Variants in PRKCB observed in about 807,000 individuals in gnomAD.
The protein encoded by PRKCB is protein kinase C beta type.
In PRKCB, 13 loss-of-function variants were observed where a neutral mutation model predicts 81.5. The ratio of observed to expected loss-of-function variants is 0.16; its 90% CI spans 0.10 to 0.25. The LOEUF (loss-of-function observed/expected upper bound fraction) is 0.25, where lower values mean the gene tolerates loss of function less well. Among genes scored for constraint, PRKCB ranks in the 10% least tolerant of loss-of-function variants. PRKCB has a pLI of 1.00. For synonymous variants in PRKCB, 335 were observed against 321.4 expected, an observed-to-expected ratio of 1.04 and a Z score of -0.45; for missense variants, 509 against 875.7, an observed-to-expected ratio of 0.58 and a Z score of 5.29.
intron 9 of PRKCB, chr16:24,151,636 A>G: frequency 2.8e-6 from 1 of 361,838 alleles, no homozygotes; most frequent in South Asian, 2.0e-5. Context: ...CAGATTTTCA[A>G]AGCAGTGCAA....
At chr16:24,001,004 G>A (rs1555489678) in intron 3 of PRKCB, among the ~76,000 whole-genome samples, 1 of 141,280 alleles carries the variant, frequency 7.1e-6, no homozygotes, top group Non-Finnish European at 1.5e-5. Context: ...TTTTTTTTTG[G>A]TAACTATTCA....
chr16:23,845,096 C>T (rs1033510364), intron 2 of PRKCB, among the ~76,000 whole-genome samples: 1 of 152,202 alleles, frequency 6.6e-6, no homozygotes, highest in Non-Finnish European at 1.5e-5. Flanking sequence ...GCCACCACAC[C>T]TGGCCTCACT....
chr16:23,941,098 A>G (rs556853853), intron 2 of PRKCB, among the ~76,000 whole-genome samples: 56 of 152,318 alleles, frequency 3.7e-4, no homozygotes, highest in African/African-American at 1.3e-3. Context: ...TTCTTACAGG[A>G]CTAGATAGTA....
At chr16:24,211,875 C>T (rs541803964) in intron 16 of PRKCB, among the ~76,000 whole-genome samples, 1 of 152,230 alleles carries the variant, frequency 6.6e-6, no homozygotes, top group South Asian at 2.1e-4. Flanking sequence ...CTCACTTTTA[C>T]TCAGATAAGA....
chr16:24,193,444 C>CAAAT lies in PRKCB; in HGVS notation c.1863+2267_1863+2270dup, dbSNP rs56289209. On this transcript the variant is annotated intron_variant, in intron 16 of 16. Transcript: ENST00000643927. ...TGGGCGACAGAGTGAGACTCCATCTCAAATAAATAAATAAATAAATAAATA... is the reference window on the plus strand; with the variant it reads ...TGGGCGACAGAGTGAGACTCCATCTCAAATAAATAAATAAATAAATAAATAAATA... Among the ~76,000 whole-genome samples, 140 of 122,200 alleles carry CAAAT rather than the reference C, an allele frequency of 1.1e-3. 1 individual carries two copies. Among genetic ancestry groups the CAAAT allele is most frequent in the Middle Eastern group, 4.0e-3 (1 of 252 alleles). 80.2% of individuals were successfully genotyped at this position (122,200 alleles called of 152,430 possible).
At chr16:23,931,342 G>A (rs919976567) in intron 2 of PRKCB, among the ~76,000 whole-genome samples, 3 of 152,170 alleles carry the variant, frequency 2.0e-5, no homozygotes, top group Non-Finnish European at 4.4e-5. Context: ...AGTAGACCAG[G>A]AGGCCTCCAG....
At chr16:23,988,896 G>A (rs1404851707) in intron 3 of PRKCB, among the ~76,000 whole-genome samples, 4 of 152,028 alleles carry the variant, frequency 2.6e-5, no homozygotes, top group African/African-American at 4.8e-5. Context: ...AGGTAGTTTC[G>A]GTGGTACTTT....
At chr16:24,109,958 T>G (rs1419884121) in intron 7 of PRKCB, among the ~76,000 whole-genome samples, 1 of 122,050 alleles carries the variant, frequency 8.2e-6, no homozygotes, top group Admixed American at 8.2e-5. Context: ...CAGTCAGGCG[T>G]GGCGGCACGA....
At chr16:24,013,007 T>C (rs980619538) in intron 3 of PRKCB, among the ~76,000 whole-genome samples, 10 of 152,248 alleles carry the variant, frequency 6.6e-5, no homozygotes, top group African/African-American at 1.9e-4. Flanking sequence ...CTGAATGCAG[T>C]GTCTGCACCC....
At chr16:24,189,367 G>C (rs1967753618) in intron 15 of PRKCB, among the ~76,000 whole-genome samples, 1 of 152,228 alleles carries the variant, frequency 6.6e-6, no homozygotes, top group Admixed American at 6.5e-5. Flanking sequence ...AGCTCGGCGC[G>C]GTGGCTCTTG....
chr16:24,009,972 C>T (rs1334088659), intron 3 of PRKCB, among the ~76,000 whole-genome samples: 1 of 152,180 alleles, frequency 6.6e-6, no homozygotes, highest in African/African-American at 2.4e-5. Context: ...TACTGCACTC[C>T]AGCCTGGGTA....
At chr16:24,105,950 G>A (rs1220110152) in intron 7 of PRKCB, among the ~76,000 whole-genome samples, 1 of 151,260 alleles carries the variant, frequency 6.6e-6, no homozygotes, top group African/African-American at 2.4e-5. Flanking sequence ...TTCTTATGGT[G>A]TTTCTAAAGT....
chr16:24,165,846 G>GACAA (rs1162282493), intron 10 of PRKCB, among the ~76,000 whole-genome samples: 1 of 148,188 alleles, frequency 6.7e-6, no homozygotes, highest in African/African-American at 2.5e-5. Context: ...AGAAAAGGCA[G>GACAA]ACAAACTTAG....
chr16:24,104,911 A>C (rs531777544), intron 7 of PRKCB, among the ~76,000 whole-genome samples: 1 of 152,162 alleles, frequency 6.6e-6, no homozygotes, highest in Non-Finnish European at 1.5e-5. Flanking sequence ...GGAGCCAAGG[A>C]ATTAATGAGA....
chr16:24,007,998 T>C (rs1253016596), intron 3 of PRKCB, among the ~76,000 whole-genome samples: 4 of 140,800 alleles, frequency 2.8e-5, no homozygotes, highest in Non-Finnish European at 6.2e-5. Flanking sequence ...TGTCTTGGTA[T>C]TCTTTTTCAA....
At chr16:23,951,062 AAC>A (rs984640221) in intron 2 of PRKCB, among the ~76,000 whole-genome samples, 2 of 152,206 alleles carry the variant, frequency 1.3e-5, no homozygotes, top group African/African-American at 2.4e-5. Context: ...TGAATATAAG[AAC>A]ACTCTGCAGC....
chr16:24,158,610 G>GTGTGTGTGTATGTGTA (rs1173508580), intron 10 of PRKCB, among the ~76,000 whole-genome samples: 2 of 151,344 alleles, frequency 1.3e-5, no homozygotes, highest in South Asian at 2.1e-4. Context: ...GTGTATGTGT[G>GTGTGTGTGTATGTGTA]TGTGTGTGTA....
At chr16:24,108,642 C>G (rs1448701076) in intron 7 of PRKCB, among the ~76,000 whole-genome samples, 1 of 150,340 alleles carries the variant, frequency 6.7e-6, no homozygotes, top group Non-Finnish European at 1.5e-5. Context: ...GGACACAGCA[C>G]ATGTTTCAGA....
chr16:23,860,058 G>GA (rs1390598669), intron 2 of PRKCB, among the ~76,000 whole-genome samples: 3 of 151,894 alleles, frequency 2.0e-5, no homozygotes, highest in African/African-American at 7.3e-5. Flanking sequence ...TTGTGAAGCA[G>GA]AAAAAAAGAG....
Sources: gnomAD v4.1 joint callset for allele counts (sites outside exome capture counted in the v4.1 genomes callset) on GRCh38, gnomAD v4.1.1 for gene constraint, MANE v1.5 for transcripts, NCBI Gene and HGNC (gene_info 2026-07-23, HGNC 2026-07-21) for gene names.